PEX19: variants seen among roughly 807,000 people sequenced by gnomAD.
PEX19 encodes the protein 33 kDa housekeeping protein.
In PEX19, 29 loss-of-function variants were observed where a neutral mutation model predicts 36.3. That is an observed-to-expected ratio of 0.80 (90% CI 0.60 to 1.09). The LOEUF is 1.09. Among genes scored for constraint, PEX19 ranks in the 50% least tolerant of loss-of-function variants. The probability of loss-of-function intolerance (pLI) is 0.00; values close to 1 mark genes in which losing one functional copy is unlikely to be tolerated. For missense variants in PEX19, 396 were observed against 368.1 expected, an observed-to-expected ratio of 1.08 and a Z score of -0.62; for synonymous variants, 141 against 135.2, an observed-to-expected ratio of 1.04 and a Z score of -0.30.
rs1557853666 is a variant in PEX19, at chr1:160,280,248, T to C, written c.595-2A>G. 1 of 1,612,874 alleles carries C rather than the reference T, an allele frequency of 6.2e-7. No individual in the cohort carries two copies. Among genetic ancestry groups the C allele is most frequent in the Non-Finnish European group, 8.5e-7 (1 of 1,178,900 alleles). On this transcript the variant is annotated splice_acceptor_variant, in intron 5 of 7. Transcript: ENST00000368072. LOFTEE classifies it high-confidence loss of function. The stretch of plus-strand genomic sequence containing the variant: ...ATGACTCTGCAACCATTCTGGATAC[T>C]AAGAAAAGAGAGAATGGGTGGAAAA...
At position 160,277,819 on chromosome 1, in the gene PEX19, A is replaced by G. The variant is rs749882438; in HGVS notation, c.*1732T>C. On this transcript the variant is annotated 3_prime_UTR_variant, in exon 8 of 8. Transcript: ENST00000368072. ...ATAGTGACACTGAAGCCCCATGACT[A>G]TATCACAAGTATACCTGTATTTTTT... The G allele has an allele frequency of 1.8e-6, 1 of 541,690 alleles. No homozygotes were observed. Among genetic ancestry groups the G allele is most frequent in the South Asian group, 1.5e-5 (1 of 65,352 alleles). 33.6% of individuals were successfully genotyped at this position (541,690 alleles called of 1,614,324 possible).
chr1:160,283,166 C>T, intron 2 of PEX19, 57 bp from the exon 3 acceptor site: 1 of 1,589,360 alleles, frequency 6.3e-7, no homozygotes, highest in Non-Finnish European at 8.6e-7. Flanking sequence ...CTGCACCTGG[C>T]CTCTGATAGA....
At position 160,285,057 on chromosome 1, in the gene PEX19, T is replaced by G; in HGVS notation, c.68A>C (p.Glu23Ala). The G allele has an allele frequency of 1.9e-6, 3 of 1,612,218 alleles. No individual in the cohort carries two copies. The highest frequency in any genetic ancestry group is 2.5e-6 in the Non-Finnish European group (3 of 1,178,282). ...CCTTTCCCACTATGGGCTCTTACTT[T>G]CCAGAAGCTCCTCCAATTCCCTGTC... ...EADRELEELL[E>A]SALDDFDKAK... The change falls in exon 1 of 8, where the codon GAA becomes GCA. Residue 23 changes from glutamate to alanine, a missense_variant and splice_region_variant. Transcript: ENST00000368072.
Position 160,277,642 on chromosome 1 carries a change from T to A in PEX19, c.*1909A>T, listed in dbSNP as rs1657595139. ...GGACTAGGGCATCTATTTAGATTCCTGGAGTAAGCCCTGGCTAGGCTAGCA... is the reference window on the plus strand; with the variant it reads ...GGACTAGGGCATCTATTTAGATTCCAGGAGTAAGCCCTGGCTAGGCTAGCA... On this transcript the variant is annotated 3_prime_UTR_variant, in exon 8 of 8. Coordinates refer to ENST00000368072, the MANE Select transcript of PEX19 (RefSeq NM_002857.4). 2.2e-6 allele frequency: 1 copy of A among 454,422 alleles called. No individual in the cohort carries two copies. The highest frequency in any genetic ancestry group is 6.9e-5 in the East Asian group (1 of 14,408). 28.1% of individuals were successfully genotyped at this position (454,422 alleles called of 1,614,324 possible).
In PEX19 at chr1:160,277,039, A is replaced by C; in HGVS notation, c.*2512T>G. ...CTAGAGATGTCCTTACTAGTGACAC[A>C]TTCTTGCTGAAGAACAAGTTCTCTG... On this transcript the variant is annotated 3_prime_UTR_variant, in exon 8 of 8. Transcript: ENST00000368072. The C allele has an allele frequency of 2.2e-6, 1 of 454,104 alleles. No homozygotes were observed. The highest frequency in any genetic ancestry group is 4.4e-6 in the Non-Finnish European group (1 of 226,786). The allele number at this position is 454,104 out of a possible 1,614,324, so 28.1% of individuals were successfully genotyped here. A position where few individuals can be genotyped will look rare whatever the true frequency, so the allele number is the denominator to read the frequency against.
At chr1:160,284,904 A>AT in intron 1 of PEX19, 151 bp downstream of exon 1, 3 of 712,134 alleles carry the variant, frequency 4.2e-6, no homozygotes, top group Non-Finnish European at 7.6e-6. Context: ...TGACCCAGAG[A>AT]TTTTTGGGGG....
Position 160,283,173 on chromosome 1 carries a change from TAGA to T in PEX19, c.181-67_181-65del, listed in dbSNP as rs1657855921. ...GGACTACACTGCACCTGGCCTCTGA[TAGA>T]AGCCACAGGCAGTGGCTATGGGAAA... On this transcript the variant is annotated intron_variant, in intron 2 of 7. Coordinates refer to ENST00000368072, the MANE Select transcript of PEX19 (RefSeq NM_002857.4). 10 of 1,555,246 alleles carry T rather than the reference TAGA, an allele frequency of 6.4e-6. No individual in the cohort carries two copies. In the South Asian group the frequency reaches 1.0e-4, roughly 16 times the overall value.
At chr1:160,282,576 G>C in intron 3 of PEX19, 74 bp from the exon 4 acceptor site, 2 of 1,112,742 alleles carry the variant, frequency 1.8e-6, no homozygotes. Flanking sequence ...TTAACAGCTT[G>C]GATATGAAGC....
In PEX19 at chr1:160,279,541, G is replaced by A. The variant is rs760855136; in HGVS notation, c.*10C>T. 6.2e-6 allele frequency: 10 copies of A among 1,609,488 alleles called. No individual in the cohort carries two copies. The highest frequency in any genetic ancestry group is 8.5e-6 in the Non-Finnish European group (10 of 1,175,690). On this transcript the variant is annotated 3_prime_UTR_variant, in exon 8 of 8. Transcript: ENST00000368072. ...ATAGCTGGGACTCAGAGAGGAAAAC[G>A]TGTTGTGTTTCACATGATCAGACAC...
rs1409972735 is a variant in PEX19 at position 160,278,627 on chromosome 1, T to A, written c.*924A>T. The A allele has an allele frequency of 1.1e-5, 5 of 454,588 alleles. No homozygotes were observed. Among genetic ancestry groups the A allele is most frequent in the South Asian group, 7.8e-5 (5 of 64,478 alleles). 28.2% of individuals were successfully genotyped at this position (454,588 alleles called of 1,614,324 possible). On this transcript the variant is annotated 3_prime_UTR_variant, in exon 8 of 8. Coordinates refer to ENST00000368072, the MANE Select transcript of PEX19 (RefSeq NM_002857.4). ...ATCATGTATCTCAAATAAGCCAGAATGTATCTGGGGAAGAATAGCCATTAA... is the reference window on the plus strand; with the variant it reads ...ATCATGTATCTCAAATAAGCCAGAAAGTATCTGGGGAAGAATAGCCATTAA...
chr1:160,279,509 G>A lies in PEX19; in HGVS notation c.*42C>T. On this transcript the variant is annotated 3_prime_UTR_variant, in exon 8 of 8. Transcript: ENST00000368072. ...CCCAATGGTTCTGCTGACTCCAGAT[G>A]TTCCCCATAGCTGGGACTCAGAGAG... 1 of 1,510,932 alleles carries A rather than the reference G, an allele frequency of 6.6e-7. No individual in the cohort carries two copies. Among genetic ancestry groups the A allele is most frequent in the South Asian group, 1.1e-5 (1 of 88,972 alleles). The allele number at this position is 1,510,932 out of a possible 1,614,324, so 93.6% of individuals were successfully genotyped here. A position where few individuals can be genotyped will look rare whatever the true frequency, so the allele number is the denominator to read the frequency against.
At chr1:160,284,989 C>A in intron 1 of PEX19, 66 bp downstream of exon 1, 1 of 1,158,054 alleles carries the variant, frequency 8.6e-7, no homozygotes, top group South Asian at 1.2e-5. Context: ...ATCTCAGGTT[C>A]ACTTAACCCC....
rs1194871573 is a variant in PEX19 at position 160,277,314 on chromosome 1, C to A, written c.*2237G>T. 1 of 456,002 alleles carries A rather than the reference C, an allele frequency of 2.2e-6. No homozygotes were observed. Among genetic ancestry groups the A allele is most frequent in the Non-Finnish European group, 4.4e-6 (1 of 226,790 alleles). The allele number at this position is 456,002 out of a possible 1,614,324, so 28.2% of individuals were successfully genotyped here. A position where few individuals can be genotyped will look rare whatever the true frequency, so the allele number is the denominator to read the frequency against. The stretch of plus-strand genomic sequence containing the variant: ...CCAAGTACATGATCAATGGACTTAA[C>A]CTACAGAACAGTCTGGCCAGTTTGG... On this transcript the variant is annotated 3_prime_UTR_variant, in exon 8 of 8. Coordinates refer to ENST00000368072, the MANE Select transcript of PEX19 (RefSeq NM_002857.4).
At chr1:160,279,725 G>A in intron 7 of PEX19, 76 bp downstream of exon 7, 1 of 1,541,842 alleles carries the variant, frequency 6.5e-7, no homozygotes, top group Non-Finnish European at 9.0e-7. Flanking sequence ...TTCACCTTAG[G>A]TGGAATCCTG....
chr1:160,277,208 T>A lies in PEX19; in HGVS notation c.*2343A>T. The A allele has an allele frequency of 2.2e-6, 1 of 456,008 alleles. No individual in the cohort carries two copies. The highest frequency in any genetic ancestry group is 1.5e-5 in the South Asian group (1 of 64,558). 28.2% of individuals were successfully genotyped at this position (456,008 alleles called of 1,614,324 possible). On this transcript the variant is annotated 3_prime_UTR_variant, in exon 8 of 8. Transcript: ENST00000368072. Reference sequence around the variant, plus strand: ...GCTGGTCAGTGAACACCTTTTTTTTTTTTTCACCAGTCTGTGACATGGTGA... The same window carrying A: ...GCTGGTCAGTGAACACCTTTTTTTTATTTTCACCAGTCTGTGACATGGTGA...
At chr1:160,284,957 G>T in intron 1 of PEX19, 98 bp downstream of exon 1, 1 of 940,642 alleles carries the variant, frequency 1.1e-6, no homozygotes, top group Non-Finnish European at 1.8e-6. Flanking sequence ...CCTTTGGAGA[G>T]CCTCTCCTGC....
At chr1:160,282,266 G>T in intron 4 of PEX19, 66 bp from the exon 5 acceptor site, 2 of 1,564,076 alleles carry the variant, frequency 1.3e-6, no homozygotes, top group Non-Finnish European at 1.8e-6. Context: ...ACTCTCTCAG[G>T]TGACAAAGAT....
chr1:160,284,941 AT>A, intron 1 of PEX19, 113 bp downstream of exon 1: 2 of 867,192 alleles, frequency 2.3e-6, no homozygotes, highest in Non-Finnish European at 3.9e-6. Context: ...CTCCGCCCCC[AT>A]TTAACCTTTG....
chr1:160,279,199 C>G lies in PEX19; in HGVS notation c.*352G>C. On this transcript the variant is annotated 3_prime_UTR_variant, in exon 8 of 8. Transcript: ENST00000368072. The stretch of plus-strand genomic sequence containing the variant: ...GGGAGTAGAGACAAGGCACAAAGAC[C>G]CTGGACGTAAAGGTGAACATCAGTG... The G allele has an allele frequency of 2.1e-6, 1 of 468,438 alleles. No individual in the cohort carries two copies. The highest frequency in any genetic ancestry group is 1.5e-5 in the South Asian group (1 of 64,590). 29.0% of individuals were successfully genotyped at this position (468,438 alleles called of 1,614,324 possible). A position where few individuals can be genotyped will look rare whatever the true frequency, so the allele number is the denominator to read the frequency against.
Sources: gnomAD v4.1 joint callset for allele counts on GRCh38, gnomAD v4.1.1 for gene constraint, MANE v1.5 for transcripts, NCBI Gene and HGNC (gene_info 2026-07-23, HGNC 2026-07-21) for gene names.